Variants in AZI2 observed in about 807,000 individuals in gnomAD.
The protein encoded by AZI2 is 5-azacytidine-induced protein 2.
A neutral mutation model predicts 45.8 loss-of-function variants in AZI2; 22 were observed. The ratio of observed to expected loss-of-function variants is 0.48; its 90% CI spans 0.34 to 0.69. AZI2 has a LOEUF of 0.69. Among genes scored for constraint, AZI2 ranks in the 30% least tolerant of loss-of-function variants. The probability of loss-of-function intolerance (pLI) is 0.01; values close to 1 mark genes in which losing one functional copy is unlikely to be tolerated. For missense variants in AZI2, 417 were observed against 441.5 expected (o/e 0.94, Z 0.50); for synonymous variants, 137 against 156.7 (o/e 0.87, Z 0.94).
At chr3:28,327,070 T>A in intron 6 of AZI2, 120 bp from the exon 7 acceptor site, 1 of 664,886 alleles carries the variant, frequency 1.5e-6, no homozygotes, top group Non-Finnish European at 2.5e-6. Context: ...TGATGTAAAC[T>A]GAAAAAAACA....
Position 28,323,994 on chromosome 3 carries a change from C to G in AZI2, c.*48G>C. ...GTTAAATAATTTCTTGGGAGGACCA[C>G]TGAAAGAGATAAGTGTCCTCATGGT... On this transcript the variant is annotated 3_prime_UTR_variant, in exon 8 of 8. Coordinates refer to ENST00000479665, the MANE Select transcript of AZI2 (RefSeq NM_022461.5). 6.6e-7 allele frequency: 1 copy of G among 1,523,842 alleles called. No homozygotes were observed. The highest frequency in any genetic ancestry group is 8.9e-7 in the Non-Finnish European group (1 of 1,126,998). 94.4% of individuals were successfully genotyped at this position (1,523,842 alleles called of 1,614,324 possible). A position where few individuals can be genotyped will look rare whatever the true frequency, so the allele number is the denominator to read the frequency against.
chr3:28,327,051 G>T, intron 6 of AZI2, 101 bp from the exon 7 acceptor site: 1 of 772,646 alleles, frequency 1.3e-6, no homozygotes, highest in Middle Eastern at 2.9e-4. Context: ...GCTCCAATTA[G>T]TTTTGAGATG....
chr3:28,344,064 C>T (rs949717915), intron 1 of AZI2, among the ~76,000 whole-genome samples: 3 of 151,934 alleles, frequency 2.0e-5, no homozygotes, highest in African/African-American at 7.2e-5. Context: ...ACACTATAAA[C>T]ATTACTTAGA....
intron 2 of AZI2, 37 bp from the exon 3 acceptor site, chr3:28,338,652 GT>G (rs144751419): frequency 0.011 from 17,885 of 1,556,132 alleles, 114 homozygotes; most frequent in Non-Finnish European, 0.014. Flanking sequence ...GCTTAAGAGA[GT>G]ATTCTATAGA....
intron 4 of AZI2, 66 bp from the exon 5 acceptor site, chr3:28,336,951 T>C (rs1040169555): frequency 1.0e-5 from 15 of 1,502,126 alleles, no homozygotes; most frequent in African/African-American, 1.4e-5. Flanking sequence ...TTCTTAAAAA[T>C]AGGTTATTCT....
At chr3:28,340,330 T>C (rs994749701) in intron 2 of AZI2, 72 bp downstream of exon 2, 19 of 1,031,448 alleles carry the variant, frequency 1.8e-5, no homozygotes, top group Middle Eastern at 3.2e-4. Flanking sequence ...GGACAAAAAG[T>C]ATTCAAAATT....
chr3:28,329,904 G>A (rs1410531267), intron 6 of AZI2, among the ~76,000 whole-genome samples: 1 of 151,168 alleles, frequency 6.6e-6, no homozygotes, highest in Non-Finnish European at 1.5e-5. Context: ...TGGTATTGGT[G>A]TGTTCTTTCT....
At chr3:28,342,526 T>G (rs1211539857) in intron 1 of AZI2, among the ~76,000 whole-genome samples, 1 of 152,080 alleles carries the variant, frequency 6.6e-6, no homozygotes, top group Non-Finnish European at 1.5e-5. Flanking sequence ...CTTTTCTTCC[T>G]CTAAAAGAGT....
rs572989031 is a variant in AZI2 at position 28,328,003 on chromosome 3, C to G, written c.648-1053G>C. Among the ~76,000 whole-genome samples the G allele has an allele frequency of 3.8e-3, 568 of 150,076 alleles. 1 individual carries two copies. The highest frequency in any genetic ancestry group is 0.01 in the Middle Eastern group (3 of 288). ...ATAACATTTTTGAAATCTAATATCTCAAATTACAGAATATAGTTTATATTT... is the reference window on the plus strand; with the variant it reads ...ATAACATTTTTGAAATCTAATATCTGAAATTACAGAATATAGTTTATATTT... On this transcript the variant is annotated intron_variant, in intron 6 of 7. Coordinates refer to ENST00000479665, the MANE Select transcript of AZI2 (RefSeq NM_022461.5).
rs760864525 is a variant in AZI2 at position 28,336,797 on chromosome 3, C to T, written c.528G>A (p.Leu176=). 4 of 1,613,242 alleles carry T rather than the reference C, an allele frequency of 2.5e-6. No homozygotes were observed. In the Admixed American group the frequency reaches 5.0e-5, roughly 20 times the overall value. The change falls in exon 5 of 8, where the codon CTG becomes CTA. Residue 176 remains leucine, a synonymous_variant. Transcript: ENST00000479665. ...DLKIHGLEQE[L]ELMRKECSDL... The stretch of plus-strand genomic sequence containing the variant: ...CGCTACATTCTTTCCTCATCAGTTC[C>T]AGCTCTTGTTCCAAACCATGGATCT...
chr3:28,331,893 C>T, intron 6 of AZI2: 1 of 1,548,244 alleles, frequency 6.5e-7, no homozygotes, highest in Non-Finnish European at 8.7e-7. Flanking sequence ...GAACAGTCCT[C>T]AAAATTCATG....
intron 1 of AZI2, among the ~76,000 whole-genome samples, chr3:28,344,438 G>C (rs1040911042): frequency 6.6e-6 from 1 of 152,006 alleles, no homozygotes; most frequent in African/African-American, 2.4e-5. Context: ...TGTTAGCAAA[G>C]TAAAAAGTAG....
chr3:28,333,518 T>A (rs563263749), intron 5 of AZI2, among the ~76,000 whole-genome samples: 8 of 145,464 alleles, frequency 5.5e-5, no homozygotes, highest in African/African-American at 2.1e-4. Flanking sequence ...AATTTTTTTT[T>A]TAAAAATTAG....
chr3:28,332,333 A>G, intron 6 of AZI2, 36 bp downstream of exon 6: 1 of 1,560,308 alleles, frequency 6.4e-7, no homozygotes. Flanking sequence ...ATGGAAGAAG[A>G]CAACGTATTG....
At chr3:28,328,815 A>G (rs1277284490) in intron 6 of AZI2, among the ~76,000 whole-genome samples, 5 of 151,334 alleles carry the variant, frequency 3.3e-5, no homozygotes, top group Admixed American at 2.0e-4. Flanking sequence ...AAAGTGCTAC[A>G]ATCTTCAAAG....
chr3:28,332,363 T>C lies in AZI2; in HGVS notation c.647+6A>G. Reference sequence around the variant, plus strand: ...GTATTGTCTTAATGCTGAAGAGTGGTCATACCTTGAAATGCTTAGTTTTTG... The same window carrying C: ...GTATTGTCTTAATGCTGAAGAGTGGCCATACCTTGAAATGCTTAGTTTTTG... On this transcript the variant is annotated splice_donor_region_variant and intron_variant, in intron 6 of 7. Coordinates refer to ENST00000479665, the MANE Select transcript of AZI2 (RefSeq NM_022461.5). 6.2e-7 allele frequency: 1 copy of C among 1,600,492 alleles called. No homozygotes were observed. Among genetic ancestry groups the C allele is most frequent in the Non-Finnish European group, 8.6e-7 (1 of 1,168,824 alleles).
At chr3:28,331,763 T>C (rs1703582399) in intron 6 of AZI2, 2 of 1,475,830 alleles carry the variant, frequency 1.4e-6, no homozygotes, top group Non-Finnish European at 1.8e-6. Flanking sequence ...AAACAACAAT[T>C]ATTAGATAGC....
At chr3:28,341,164 AT>A (rs1704002494) in intron 1 of AZI2, among the ~76,000 whole-genome samples, 1 of 152,092 alleles carries the variant, frequency 6.6e-6, no homozygotes, top group African/African-American at 2.4e-5. Flanking sequence ...TTTGTTGTAT[AT>A]TTAGAATAGA....
chr3:28,324,548 G>T, intron 7 of AZI2, 94 bp from the exon 8 acceptor site: 1 of 1,163,696 alleles, frequency 8.6e-7, no homozygotes, highest in Non-Finnish European at 1.1e-6. Context: ...TAGAACTGGT[G>T]ATGAAATTAA....
Sources: allele counts gnomAD v4.1 joint callset (sites outside exome capture counted in the v4.1 genomes callset), GRCh38; gene constraint gnomAD v4.1.1; transcripts MANE v1.5; gene names NCBI Gene and HGNC (gene_info 2026-07-23, HGNC 2026-07-21).